Variants in DGLUCY observed in about 807,000 individuals in gnomAD.
The protein encoded by DGLUCY is D-glutamate cyclase.
Under a neutral mutation model 58.5 loss-of-function variants are expected in DGLUCY, and 58 were observed. The ratio of observed to expected loss-of-function variants is 0.99; its 90% CI spans 0.80 to 1.23. The LOEUF (loss-of-function observed/expected upper bound fraction) is 1.23, where lower values mean the gene tolerates loss of function less well. Ranked by LOEUF, DGLUCY falls within the 50% of genes most tolerant of loss-of-function variation. DGLUCY has a pLI of 0.00. For synonymous variants in DGLUCY, 325 were observed against 314.1 expected (o/e 1.03, Z -0.37); for missense variants, 779 against 784.7 (o/e 0.99, Z 0.09).
intron 1 of DGLUCY, among the ~76,000 whole-genome samples, chr14:91,150,095 G>A (rs1460662117): frequency 6.6e-6 from 1 of 151,630 alleles, no homozygotes; most frequent in African/African-American, 2.4e-5. Flanking sequence ...GGTAGGCACC[G>A]GTAGTCCCAG....
intron 1 of DGLUCY, among the ~76,000 whole-genome samples, chr14:91,073,377 G>A (rs2043955963): frequency 6.6e-6 from 1 of 151,782 alleles, no homozygotes; most frequent in Non-Finnish European, 1.5e-5. Context: ...GGAGGCAGAG[G>A]TTGGAGTGAG....
At chr14:91,103,959 C>T (rs937250227), upstream of DGLUCY, among the ~76,000 whole-genome samples, 38 of 151,936 alleles carry the variant, frequency 2.5e-4, no homozygotes, top group African/African-American at 9.2e-4. Flanking sequence ...CCCTCCTCTG[C>T]CTACTCCAAT....
At chr14:91,069,865 C>T (rs1343484580) in intron 1 of DGLUCY, among the ~76,000 whole-genome samples, 2 of 149,854 alleles carry the variant, frequency 1.3e-5, no homozygotes, top group African/African-American at 2.5e-5. Context: ...ACTGCAACCT[C>T]CCCCTCCAGG....
At chr14:91,117,646 T>TACACACAC (rs765720920) in intron 1 of DGLUCY, among the ~76,000 whole-genome samples, 25 of 149,444 alleles carry the variant, frequency 1.7e-4, no homozygotes, top group Admixed American at 3.3e-4. Flanking sequence ...TTTGTTCACA[T>TACACACAC]ACACACACAC....
At chr14:91,149,988 A>G (rs2047222872) in intron 1 of DGLUCY, among the ~76,000 whole-genome samples, 2 of 152,068 alleles carry the variant, frequency 1.3e-5, no homozygotes, top group South Asian at 4.1e-4. Flanking sequence ...TGGGTGGCCG[A>G]GGCGGGCGTA....
chr14:91,100,055 CA>C lies in DGLUCY; in HGVS notation c.-82+39371del, dbSNP rs781379842. 5.2e-3 allele frequency among the ~76,000 whole-genome samples: 678 copies of C among 130,624 alleles called. 3 individuals carry two copies. Among genetic ancestry groups the C allele is most frequent in the South Asian group, 0.011 (51 of 4,438 alleles). 85.7% of individuals were successfully genotyped at this position (130,624 alleles called of 152,430 possible). ...GGGCAACAAGAGTGAAACTCTGTCTCAAAAAAAAAAAAAAAAAAAAGAAGAA... is the reference window on the plus strand; with the variant it reads ...GGGCAACAAGAGTGAAACTCTGTCTCAAAAAAAAAAAAAAAAAAAGAAGAA... On this transcript the variant is annotated intron_variant, in intron 1 of 4. Transcript: ENST00000521334.
intron 1 of DGLUCY, among the ~76,000 whole-genome samples, chr14:91,088,481 C>T (rs1055992378): frequency 1.3e-5 from 2 of 152,156 alleles, no homozygotes; most frequent in African/African-American, 2.4e-5. Context: ...ATAAAAAAAT[C>T]AGAGAAGCCG....
chr14:91,106,137 G>A (rs1041189145), upstream of DGLUCY, among the ~76,000 whole-genome samples: 18 of 151,950 alleles, frequency 1.2e-4, no homozygotes, highest in Admixed American at 2.0e-4. Context: ...GTGAAAGCCC[G>A]TTTCTACTAA....
chr14:91,064,914 G>A (rs928298910), intron 1 of DGLUCY, among the ~76,000 whole-genome samples: 1 of 152,176 alleles, frequency 6.6e-6, no homozygotes, highest in African/African-American at 2.4e-5. Context: ...TTCTCCAAAG[G>A]AAAATAGAGA....
intron 1 of DGLUCY, among the ~76,000 whole-genome samples, chr14:91,102,651 G>A (rs886485873): frequency 6.6e-6 from 1 of 151,872 alleles, no homozygotes; most frequent in African/African-American, 2.4e-5. Flanking sequence ...GGCTCTACAG[G>A]GCATGGATAT....
At chr14:91,138,111 G>A (rs1050964280) in intron 1 of DGLUCY, among the ~76,000 whole-genome samples, 1 of 152,272 alleles carries the variant, frequency 6.6e-6, no homozygotes, top group East Asian at 1.9e-4. Flanking sequence ...GAGGGTTTTT[G>A]TTGATCCAGA....
At chr14:91,083,622 A>G (rs1463839605) in intron 1 of DGLUCY, among the ~76,000 whole-genome samples, 1 of 152,066 alleles carries the variant, frequency 6.6e-6, no homozygotes, top group Non-Finnish European at 1.5e-5. Context: ...AAGCAGCAGC[A>G]AGAGAATACA....
At chr14:91,149,257 A>G (rs540114263) in intron 1 of DGLUCY, among the ~76,000 whole-genome samples, 21 of 152,028 alleles carry the variant, frequency 1.4e-4, no homozygotes, top group Non-Finnish European at 2.6e-4. Context: ...CAAAAAAAAA[A>G]AAAAGAAAAG....
intron 1 of DGLUCY, among the ~76,000 whole-genome samples, chr14:91,134,829 T>A (rs1262884990): frequency 6.6e-6 from 1 of 152,214 alleles, no homozygotes; most frequent in African/African-American, 2.4e-5. Flanking sequence ...CTGAACTCAC[T>A]TACTAATTTT....
intron 1 of DGLUCY, among the ~76,000 whole-genome samples, chr14:91,085,572 T>TTG (rs1435104668): frequency 6.6e-6 from 1 of 151,410 alleles, no homozygotes; most frequent in African/African-American, 2.4e-5. Context: ...TGTTTTTTTT[T>TTG]TTTTTTAGTA....
intron 13 of DGLUCY, chr14:91,223,712 C>T: frequency 7.8e-7 from 1 of 1,287,634 alleles, no homozygotes; most frequent in Non-Finnish European, 1.0e-6. Context: ...GGCTAAAGGC[C>T]AGAAGACCTA....
At chr14:91,199,942 G>A in intron 11 of DGLUCY, 37 bp downstream of exon 11, 2 of 1,611,722 alleles carry the variant, frequency 1.2e-6, no homozygotes, top group African/African-American at 1.3e-5. Flanking sequence ...CAAGAACGTG[G>A]CCCCATGAAG....
At position 91,197,408 on chromosome 14, in the gene DGLUCY, C is replaced by A. The variant is rs147462631; in HGVS notation, c.1295+934C>A. Among the ~76,000 whole-genome samples, 37 of 152,322 alleles carry A rather than the reference C, an allele frequency of 2.4e-4. 1 individual carries two copies. The highest frequency in any genetic ancestry group is 8.2e-4 in the African/African-American group (34 of 41,570). On this transcript the variant is annotated intron_variant, in intron 10 of 13. Transcript: ENST00000256324. ...GTGTGAGCCACTGTACCTGGCCTCT[C>A]TGAACTGTTTTTTAAGCTTACACTT...
chr14:91,215,360 A>G (rs1446460481), intron 12 of DGLUCY, 45 bp from the exon 13 acceptor site: 3 of 1,565,516 alleles, frequency 1.9e-6, no homozygotes, highest in Middle Eastern at 1.7e-4. Context: ...TGACAGACAC[A>G]TGACTTTTCC....
Sources: gnomAD v4.1 joint callset for allele counts (sites outside exome capture counted in the v4.1 genomes callset) on GRCh38, gnomAD v4.1.1 for gene constraint, MANE v1.5 for transcripts, NCBI Gene and HGNC (gene_info 2026-07-23, HGNC 2026-07-21) for gene names.